The following ITPK1 variants were observed in gnomAD, a reference collection of about 807,000 sequenced individuals.
The protein encoded by ITPK1 is inositol 1,3,4-trisphosphate 5/6-kinase.
Under a neutral mutation model 45.3 loss-of-function variants are expected in ITPK1, and 21 were observed. That is an observed-to-expected ratio of 0.46 (90% CI 0.33 to 0.67). ITPK1 has a LOEUF of 0.67. Ranked by LOEUF, ITPK1 falls within the 30% of genes least tolerant of loss-of-function variation. The probability of loss-of-function intolerance (pLI) is 0.02; values close to 1 mark genes in which losing one functional copy is unlikely to be tolerated. For synonymous variants in ITPK1, 258 were observed against 253.6 expected (o/e 1.02, Z -0.16); for missense variants, 474 against 573.5 (o/e 0.83, Z 1.77).
chr14:92,940,246 G>A lies in ITPK1; in HGVS notation c.*1315C>T, dbSNP rs890087332. 1.0e-4 allele frequency: 99 copies of A among 986,422 alleles called. No individual in the cohort carries two copies. Among genetic ancestry groups the A allele is most frequent in the Non-Finnish European group, 1.2e-4 (99 of 830,720 alleles). The allele number at this position is 986,422 out of a possible 1,614,324, so 61.1% of individuals were successfully genotyped here. On this transcript the variant is annotated 3_prime_UTR_variant, in exon 11 of 11. Coordinates refer to ENST00000267615, the MANE Select transcript of ITPK1 (RefSeq NM_014216.6). ...CGGAAGCCTTTTTCACTTTTTCAAAGTAAACTGCTATCTTAAGACACAAAA... is the reference window on the plus strand; with the variant it reads ...CGGAAGCCTTTTTCACTTTTTCAAAATAAACTGCTATCTTAAGACACAAAA...
chr14:93,035,743 G>A (rs1010288111), intron 3 of ITPK1, among the ~76,000 whole-genome samples: 2 of 152,212 alleles, frequency 1.3e-5, no homozygotes, highest in Non-Finnish European at 2.9e-5. Flanking sequence ...ACAGCACCGT[G>A]AACAGCTGCC....
At chr14:93,115,390 G>T (rs2140047173) in intron 1 of ITPK1, 85 bp from the exon 2 acceptor site, 1 of 163,262 alleles carries the variant, frequency 6.1e-6, no homozygotes, top group East Asian at 1.7e-4. Context: ...CACTGGCTGG[G>T]CCAAGCTGCC....
intron 5 of ITPK1, among the ~76,000 whole-genome samples, chr14:92,983,820 T>A (rs200863926): frequency 6.7e-6 from 1 of 148,246 alleles, no homozygotes; most frequent in Non-Finnish European, 1.5e-5. Context: ...CCAGTTTGTT[T>A]AAAAAAAAAA....
In ITPK1 at chr14:92,941,500, C is replaced by T; in HGVS notation, c.*61G>A. 1 of 1,455,880 alleles carries T rather than the reference C, an allele frequency of 6.9e-7. No homozygotes were observed. Among genetic ancestry groups the T allele is most frequent in the Non-Finnish European group, 9.0e-7 (1 of 1,111,418 alleles). 90.2% of individuals were successfully genotyped at this position (1,455,880 alleles called of 1,614,324 possible). A position where few individuals can be genotyped will look rare whatever the true frequency, so the allele number is the denominator to read the frequency against. On this transcript the variant is annotated 3_prime_UTR_variant, in exon 11 of 11. Transcript: ENST00000267615. ...TTAGTAGTAGCATCGCCGTTGGGAG[C>T]TGCTGGCCCAGCGGGTGTGCTCTGC...
chr14:93,103,821 GGT>G (rs1892417916), intron 2 of ITPK1, among the ~76,000 whole-genome samples: 1 of 152,144 alleles, frequency 6.6e-6, no homozygotes, highest in African/African-American at 2.4e-5. Context: ...ATGGAAACAG[GGT>G]GTGAGGCAGA....
chr14:93,103,416 T>A, intron 2 of ITPK1, among the ~76,000 whole-genome samples: 1 of 151,458 alleles, frequency 6.6e-6, no homozygotes, highest in Non-Finnish European at 1.5e-5. Flanking sequence ...TCCGTCTCCA[T>A]CTCAAAAAAA....
chr14:92,965,084 T>C (rs1396797273), intron 5 of ITPK1, among the ~76,000 whole-genome samples: 1 of 152,214 alleles, frequency 6.6e-6, no homozygotes. Flanking sequence ...CCAGACCATC[T>C]GACTCCCAGG....
rs143398583 is a variant in ITPK1, at chr14:92,949,946, C to T, written c.738+2000G>A. On this transcript the variant is annotated intron_variant, in intron 9 of 10. Transcript: ENST00000267615. ...CCAGTGGGCCTCGGCACCCGGCTGC[C>T]GAGACCGTGCCCATACTGCACACCT... 2.4e-3 allele frequency among the ~76,000 whole-genome samples: 358 copies of T among 152,270 alleles called. 3 individuals carry two copies. Among genetic ancestry groups the T allele is most frequent in the African/African-American group, 8.1e-3 (338 of 41,562 alleles).
intron 8 of ITPK1, among the ~76,000 whole-genome samples, chr14:92,955,807 G>A (rs76864329): frequency 0.018 from 2,786 of 152,314 alleles, 40 homozygotes; most frequent in Non-Finnish European, 0.029. Context: ...GGGAAGTTGG[G>A]GGACATGTCA....
intron 3 of ITPK1, chr14:93,066,369 C>A: frequency 2.4e-6 from 1 of 415,616 alleles, no homozygotes; most frequent in Admixed American, 2.8e-5. Context: ...GCTGGGAAAG[C>A]AGGGTAGGTG....
chr14:93,080,712 A>G (rs546709118), intron 2 of ITPK1, among the ~76,000 whole-genome samples: 14 of 152,226 alleles, frequency 9.2e-5, no homozygotes, highest in African/African-American at 3.4e-4. Context: ...CTACCCTCAA[A>G]ACTATAGGGA....
At chr14:93,114,169 A>G (rs1481555291) in intron 2 of ITPK1, among the ~76,000 whole-genome samples, 2 of 152,272 alleles carry the variant, frequency 1.3e-5, no homozygotes, top group Non-Finnish European at 2.9e-5. Context: ...TTAGGCTTGC[A>G]TTGAGAAAAG....
Position 92,962,752 on chromosome 14 carries a change from G to A in ITPK1, c.462C>T (p.Phe154=). ...AGGTGGAGCTGGGATGGTACGCACTGAATGGGAAAGTCAAGCCGTTCTTCT... is the reference window on the plus strand; with the variant it reads ...AGGTGGAGCTGGGATGGTACGCACTAAATGGGAAAGTCAAGCCGTTCTTCT... ...LLEKNGLTFP[F]ICKTRVAHGT... The change falls in exon 6 of 11, where the codon TTC becomes TTT. Residue 154 remains phenylalanine, a splice_region_variant and synonymous_variant. Transcript: ENST00000267615. 6.2e-7 allele frequency: 1 copy of A among 1,611,220 alleles called. No individual in the cohort carries two copies. The highest frequency in any genetic ancestry group is 8.5e-7 in the Non-Finnish European group (1 of 1,177,370).
rs1489546932 is a variant in ITPK1 at position 93,059,984 on chromosome 14, G to A, written c.120+16611C>T. 5.3e-5 allele frequency among the ~76,000 whole-genome samples: 8 copies of A among 151,854 alleles called. No homozygotes were observed. In the South Asian group the frequency reaches 6.2e-4, roughly 12 times the overall value. The stretch of plus-strand genomic sequence containing the variant: ...CTCTGAGCCTGGGAGGCTGACTGCC[G>A]TAGAACGCAGCATTCAAGATCCAGG... On this transcript the variant is annotated intron_variant, in intron 3 of 10. Transcript: ENST00000267615.
In ITPK1 at chr14:92,955,510, G is replaced by A. The variant is rs144829196; in HGVS notation, c.670+2691C>T. Among the ~76,000 whole-genome samples, 1,354 of 152,270 alleles carry A rather than the reference G, an allele frequency of 8.9e-3. 16 individuals are homozygous for A. The highest frequency in any genetic ancestry group is 0.031 in the African/African-American group (1,270 of 41,524). The stretch of plus-strand genomic sequence containing the variant: ...GCTAATCTCTACCCTGGCACAGGGT[G>A]GAGGGAGGGAAACAGTCTCTCTGTG... On this transcript the variant is annotated intron_variant, in intron 8 of 10. Transcript: ENST00000267615.
At chr14:93,107,658 C>T (rs541368712) in intron 2 of ITPK1, among the ~76,000 whole-genome samples, 2 of 152,084 alleles carry the variant, frequency 1.3e-5, no homozygotes, top group East Asian at 1.9e-4. Flanking sequence ...GGATGCGGAG[C>T]GGGGTCTGGA....
chr14:93,097,867 G>A (rs755827792), intron 2 of ITPK1, among the ~76,000 whole-genome samples: 1 of 151,614 alleles, frequency 6.6e-6, no homozygotes, highest in Non-Finnish European at 1.5e-5. Context: ...AAATTAGCCA[G>A]GCATGGTGGC....
At chr14:93,112,647 C>G (rs1216167279) in intron 2 of ITPK1, among the ~76,000 whole-genome samples, 1 of 151,926 alleles carries the variant, frequency 6.6e-6, no homozygotes, top group African/African-American at 2.4e-5. Context: ...ACCATGTTAG[C>G]CAGGATGGTC....
At chr14:93,057,825 C>T (rs555403889) in intron 3 of ITPK1, among the ~76,000 whole-genome samples, 66 of 152,358 alleles carry the variant, frequency 4.3e-4, no homozygotes, top group African/African-American at 1.6e-3. Context: ...CCTGGTCATT[C>T]TCACCATGCT....
Sources: gnomAD v4.1 joint callset for allele counts (sites outside exome capture counted in the v4.1 genomes callset) on GRCh38, gnomAD v4.1.1 for gene constraint, MANE v1.5 for transcripts, NCBI Gene and HGNC (gene_info 2026-07-23, HGNC 2026-07-21) for gene names.